The following H3C4 variants were observed in gnomAD, a reference collection of about 807,000 sequenced individuals.
The protein encoded by H3C4 is histone H3.1.
In H3C4, 10 loss-of-function variants were observed where a neutral mutation model predicts 8.7. The ratio of observed to expected loss-of-function variants is 1.15; its 90% CI spans 0.71 to 1.96. H3C4 has a LOEUF of 1.96. H3C4 is among the 30% of genes most tolerant of loss of function. The pLI, the probability that H3C4 is intolerant of heterozygous loss-of-function variation, is 0.00. For synonymous variants in H3C4, 141 were observed against 80.1 expected, an observed-to-expected ratio of 1.76 and a Z score of -4.06; for missense variants, 216 against 192.9, an observed-to-expected ratio of 1.12 and a Z score of -0.71.
chr6:26,198,818 C>T, upstream of H3C4: 1 of 1,600,600 alleles, frequency 6.2e-7, no homozygotes, highest in Non-Finnish European at 8.5e-7. Flanking sequence ...GTTAAGACTG[C>T]TTCCTTAAAA....
chr6:26,198,607 C>A (rs372819389), upstream of H3C4, among the ~76,000 whole-genome samples: 1 of 152,220 alleles, frequency 6.6e-6, no homozygotes, highest in Non-Finnish European at 1.5e-5. Context: ...CCTGGGATTA[C>A]AGGCGTAAGG....
upstream of H3C4, chr6:26,199,264 G>GT: frequency 6.3e-7 from 1 of 1,586,416 alleles, no homozygotes. Context: ...TAAAAACGAT[G>GT]TTAAGCAATG....
upstream of H3C4, chr6:26,199,257 A>G (rs1275621297): frequency 6.3e-7 from 1 of 1,590,966 alleles, no homozygotes; most frequent in Non-Finnish European, 8.5e-7. Context: ...GAATTCTTAA[A>G]AACGATGTTA....
At chr6:26,199,206 G>A (rs771157419), upstream of H3C4, 12 of 1,609,568 alleles carry the variant, frequency 7.5e-6, no homozygotes, top group Middle Eastern at 3.3e-4. Flanking sequence ...CTTAGCCTTA[G>A]CTCGGGCCTT....
rs892619198 is a variant in H3C4, at chr6:26,197,037, C to G, written c.214G>C (p.Val72Leu). ...TTGAAGTCCTGCGCGATCTCACGGA[C>G]TAGACGCTGGAATGGCAGTTTGCGA... ...LIRKLPFQRL[V>L]REIAQDFKTD... is the part of the protein sequence containing the mutation. Residue 72 changes from valine to leucine, a missense_variant, in exon 1 of 1, where the codon GTC becomes CTC. Transcript: ENST00000356476. 5.6e-6 allele frequency: 9 copies of G among 1,614,126 alleles called. No individual in the cohort carries two copies. Among genetic ancestry groups the G allele is most frequent in the Non-Finnish European group, 7.6e-6 (9 of 1,180,062 alleles).
Position 26,197,282 on chromosome 6 carries a change from A to C in H3C4, c.-32T>G, listed in dbSNP as rs748337305. The C allele has an allele frequency of 1.9e-6, 3 of 1,589,746 alleles. No homozygotes were observed. The highest frequency in any genetic ancestry group is 2.7e-5 in the African/African-American group (2 of 73,052). ...CTTCTAAACCCTGCTAAATGACGAAAAAACGAAAGTCTAGCCTTTCGTACC... is the reference window on the plus strand; with the variant it reads ...CTTCTAAACCCTGCTAAATGACGAACAAACGAAAGTCTAGCCTTTCGTACC... On this transcript the variant is annotated 5_prime_UTR_variant, in exon 1 of 1. Transcript: ENST00000356476.
At chr6:26,199,167 A>G, upstream of H3C4, 1 of 1,614,124 alleles carries the variant, frequency 6.2e-7, no homozygotes, top group South Asian at 1.1e-5. Flanking sequence ...GCCCACAGGG[A>G]ACTGGAGTCC....
chr6:26,199,173 A>C (rs1765065841), upstream of H3C4: 7 of 1,614,160 alleles, frequency 4.3e-6, no homozygotes, highest in Non-Finnish European at 5.9e-6. Context: ...AGGGAACTGG[A>C]GTCCGGCCCG....
At position 26,197,275 on chromosome 6, in the gene H3C4, T is replaced by G; in HGVS notation, c.-25A>C. The G allele has an allele frequency of 6.3e-7, 1 of 1,589,756 alleles. No individual in the cohort carries two copies. Among genetic ancestry groups the G allele is most frequent in the Non-Finnish European group, 8.5e-7 (1 of 1,172,940 alleles). On this transcript the variant is annotated 5_prime_UTR_variant, in exon 1 of 1. Coordinates refer to ENST00000356476, the MANE Select transcript of H3C4 (RefSeq NM_001376937.1). ...TTGCGAACTTCTAAACCCTGCTAAA[T>G]GACGAAAAAACGAAAGTCTAGCCTT...
At chr6:26,198,861 T>A, upstream of H3C4, 1 of 1,613,484 alleles carries the variant, frequency 6.2e-7, no homozygotes, top group East Asian at 2.2e-5. Flanking sequence ...TTACTTGCCC[T>A]TGGCCTTGTG....
chr6:26,197,883 A>T, upstream of H3C4, among the ~76,000 whole-genome samples: 1 of 128,566 alleles, frequency 7.8e-6, no homozygotes, highest in Non-Finnish European at 1.7e-5. Context: ...ATCTGCTGTA[A>T]AAAAAAAAAA....
upstream of H3C4, chr6:26,197,313 A>T (rs974361632): frequency 4.5e-6 from 7 of 1,545,220 alleles, no homozygotes; most frequent in African/African-American, 9.7e-5. Flanking sequence ...GTACCCGTAT[A>T]TATAAAGACA....
upstream of H3C4, among the ~76,000 whole-genome samples, chr6:26,197,695 C>G (rs1581449219): frequency 6.6e-6 from 1 of 151,978 alleles, no homozygotes; most frequent in Non-Finnish European, 1.5e-5. Context: ...CTTGATTTGT[C>G]TATTTAAACT....
At position 26,196,909 on chromosome 6, in the gene H3C4, G is replaced by A. The variant is rs1270187746; in HGVS notation, c.342C>T (p.His114=). 43 of 1,614,128 alleles carry A rather than the reference G, an allele frequency of 2.7e-5. No homozygotes were observed. Among genetic ancestry groups the A allele is most frequent in the Non-Finnish European group, 3.5e-5 (41 of 1,180,046 alleles). The change falls in exon 1 of 1, where the codon CAC becomes CAT. Residue 114 remains histidine, a synonymous_variant. Transcript: ENST00000356476. ...TGGGCATGATAGTCACTCGCTTGGC[G>A]TGAATGGCGCATAGGTTGGTGTCCT... ...LFEDTNLCAI[H]AKRVTIMPKD...
chr6:26,196,979 A>G lies in H3C4; in HGVS notation c.272T>C (p.Met91Thr). Residue 91 changes from methionine (M) to threonine (T), a missense_variant, in exon 1 of 1, where the codon ATG (methionine) becomes ACG (threonine). Met to Thr is a moderately conservative substitution (Grantham distance 81). Coordinates refer to ENST00000356476, the MANE Select transcript of H3C4 (RefSeq NM_001376937.1). ...TDLRFQSSAV[M>T]ALQEACEAYL... ...GGCCTCGCAGGCCTCCTGCAGCGCCATCACCGCCGAGCTCTGAAAACGCAG... is the reference window on the plus strand; with the variant it reads ...GGCCTCGCAGGCCTCCTGCAGCGCCGTCACCGCCGAGCTCTGAAAACGCAG... 3.1e-6 allele frequency: 5 copies of G among 1,614,254 alleles called. No individual in the cohort carries two copies. Among genetic ancestry groups the G allele is most frequent in the South Asian group, 2.2e-5 (2 of 91,084 alleles).
rs376537131 is a variant in H3C4, at chr6:26,197,017, G to T, written c.234C>A (p.Asp78Glu). ...TCTGAAAACGCAGATCAGTCTTGAA[G>T]TCCTGCGCGATCTCACGGACTAGAC... ...FQRLVREIAQ[D>E]FKTDLRFQSS... The change falls in exon 1 of 1, where the codon GAC (aspartate) becomes GAA (glutamate). Residue 78 changes from aspartate to glutamate, a missense_variant. Asp to Glu is a conservative substitution (Grantham distance 45). Transcript: ENST00000356476. The T allele has an allele frequency of 2.5e-6, 4 of 1,614,126 alleles. No individual in the cohort carries two copies. Among genetic ancestry groups the T allele is most frequent in the African/African-American group, 2.7e-5 (2 of 74,944 alleles).
chr6:26,197,978 T>G (rs1323526667), upstream of H3C4, among the ~76,000 whole-genome samples: 1 of 149,858 alleles, frequency 6.7e-6, no homozygotes, highest in African/African-American at 2.4e-5. Flanking sequence ...AAGCTCCACC[T>G]AAGGGCCGTC....
upstream of H3C4, among the ~76,000 whole-genome samples, chr6:26,198,696 G>A (rs185629261): frequency 2.2e-4 from 34 of 152,230 alleles, no homozygotes; most frequent in Admixed American, 2.1e-3. Flanking sequence ...TCAGTGTTAA[G>A]AACACCCACT....
At chr6:26,198,960 T>C, upstream of H3C4, 1 of 1,614,224 alleles carries the variant, frequency 6.2e-7, no homozygotes, top group Non-Finnish European at 8.5e-7. Flanking sequence ...CAGCAACTTG[T>C]TTAGCTCCTC....
Sources: allele counts gnomAD v4.1 joint callset (sites outside exome capture counted in the v4.1 genomes callset), GRCh38; gene constraint gnomAD v4.1.1; transcripts MANE v1.5; gene names NCBI Gene and HGNC (gene_info 2026-07-23, HGNC 2026-07-21).